ASCC1: variants seen among roughly 807,000 people sequenced by gnomAD.
The protein encoded by ASCC1 is activating signal cointegrator 1 complex subunit 1.
A neutral mutation model predicts 46.6 loss-of-function variants in ASCC1; 35 were observed. The observed-to-expected ratio is 0.75, with a 90% CI of 0.57 to 0.99. The LOEUF is 0.99. Ranked by LOEUF, ASCC1 falls within the 50% of genes least tolerant of loss-of-function variation. The pLI is 0.00. For synonymous variants in ASCC1, 143 were observed against 146.6 expected, an observed-to-expected ratio of 0.98 and a Z score of 0.18; for missense variants, 376 against 428.7, an observed-to-expected ratio of 0.88 and a Z score of 1.09.
At chr10:72,167,660 A>G (rs1489885458) in intron 5 of ASCC1, among the ~76,000 whole-genome samples, 1 of 147,808 alleles carries the variant, frequency 6.8e-6, no homozygotes, top group Non-Finnish European at 1.5e-5. Context: ...TTTTTTTAAG[A>G]CAAGGTCTCC....
chr10:72,178,891 C>T (rs12249760), intron 5 of ASCC1, among the ~76,000 whole-genome samples: 4,845 of 152,032 alleles, frequency 0.032, 297 homozygotes, highest in African/African-American at 0.11. Flanking sequence ...ATAAATTTAC[C>T]TTCTCAAAAA....
intron 6 of ASCC1, among the ~76,000 whole-genome samples, chr10:72,153,614 G>A (rs531324472): frequency 6.6e-6 from 1 of 151,852 alleles, no homozygotes; most frequent in East Asian, 1.9e-4. Flanking sequence ...TTTTAGTAGA[G>A]ATGGGGTTTC....
At chr10:72,190,408 G>A in intron 5 of ASCC1, 1 of 1,597,134 alleles carries the variant, frequency 6.3e-7, no homozygotes, top group East Asian at 2.2e-5. Flanking sequence ...CTGACACCCA[G>A]TGGATCACCA....
chr10:72,110,251 G>A (rs1842779032), intron 9 of ASCC1, among the ~76,000 whole-genome samples: 1 of 152,154 alleles, frequency 6.6e-6, no homozygotes, highest in Admixed American at 6.5e-5. Flanking sequence ...TAAATGTTTG[G>A]TCTCCGTATT....
At position 72,213,348 on chromosome 10, in the gene ASCC1, C is replaced by T; in HGVS notation, c.-33-17G>A. The T allele has an allele frequency of 1.5e-6, 2 of 1,328,994 alleles. No homozygotes were observed. Among genetic ancestry groups the T allele is most frequent in the Admixed American group, 1.7e-5 (1 of 59,316 alleles). 82.3% of individuals were successfully genotyped at this position (1,328,994 alleles called of 1,614,324 possible). A position where few individuals can be genotyped will look rare whatever the true frequency, so the allele number is the denominator to read the frequency against. On this transcript the variant is annotated splice_polypyrimidine_tract_variant and intron_variant, in intron 1 of 9. Transcript: ENST00000672957. The stretch of plus-strand genomic sequence containing the variant: ...AATTATGCCCTGAAAAATATAATTA[C>T]CATCTTACCTTTCTTAGTGAGAATT...
At chr10:72,118,260 G>C (rs1843727681) in intron 9 of ASCC1, among the ~76,000 whole-genome samples, 1 of 151,736 alleles carries the variant, frequency 6.6e-6, no homozygotes. Context: ...CCAGCTACTT[G>C]GGAGGCTGAG....
At chr10:72,137,307 T>A (rs1290945441) in intron 7 of ASCC1, among the ~76,000 whole-genome samples, 3 of 151,496 alleles carry the variant, frequency 2.0e-5, no homozygotes, top group African/African-American at 7.3e-5. Flanking sequence ...GGCGTGCAGA[T>A]CACGAGGTCA....
At chr10:72,138,330 G>A (rs1248059843) in intron 7 of ASCC1, among the ~76,000 whole-genome samples, 3 of 152,160 alleles carry the variant, frequency 2.0e-5, no homozygotes, top group African/African-American at 4.8e-5. Context: ...CATGAAACAC[G>A]AAGCATGAAA....
intron 7 of ASCC1, among the ~76,000 whole-genome samples, chr10:72,136,272 C>A (rs1846180831): frequency 6.6e-6 from 1 of 152,064 alleles, no homozygotes; most frequent in Non-Finnish European, 1.5e-5. Flanking sequence ...AATCGGCACT[C>A]TGTAAAAACG....
chr10:72,201,685 C>T (rs1245377923), intron 4 of ASCC1, among the ~76,000 whole-genome samples: 1 of 152,038 alleles, frequency 6.6e-6, no homozygotes, highest in African/African-American at 2.4e-5. Flanking sequence ...TGCCTGTAAC[C>T]CCAACACTTT....
At chr10:72,155,008 T>A (rs1288749181) in intron 6 of ASCC1, among the ~76,000 whole-genome samples, 1 of 152,174 alleles carries the variant, frequency 6.6e-6, no homozygotes, top group African/African-American at 2.4e-5. Context: ...AAAACTGATA[T>A]AATAAGTTAT....
chr10:72,159,278 C>T (rs1481744705), intron 6 of ASCC1: 2 of 152,032 alleles, frequency 1.3e-5, no homozygotes, highest in Middle Eastern at 3.2e-3. Flanking sequence ...CTCTTTATTC[C>T]CCAGGCACAC....
chr10:72,137,916 T>G (rs1846457770), intron 7 of ASCC1, among the ~76,000 whole-genome samples: 1 of 152,072 alleles, frequency 6.6e-6, no homozygotes, highest in South Asian at 2.1e-4. Flanking sequence ...CAGGCTAGAG[T>G]GCAGTGGCAC....
chr10:72,214,367 CTTTTTT>C (rs970289326), intron 1 of ASCC1, among the ~76,000 whole-genome samples: 4 of 88,464 alleles, frequency 4.5e-5, no homozygotes, highest in Admixed American at 1.5e-4. Context: ...CACAATATCT[CTTTTTT>C]TTTTTTTTTT....
chr10:72,191,575 T>C (rs1854510698), intron 5 of ASCC1, among the ~76,000 whole-genome samples: 1 of 151,936 alleles, frequency 6.6e-6, no homozygotes, highest in African/African-American at 2.4e-5. Flanking sequence ...TACTGAATCA[T>C]AGATCTAAAT....
At chr10:72,194,845 C>T (rs1409902774) in intron 5 of ASCC1, among the ~76,000 whole-genome samples, 1 of 151,926 alleles carries the variant, frequency 6.6e-6, no homozygotes, top group Non-Finnish European at 1.5e-5. Flanking sequence ...CAGGTTCAAG[C>T]GATTCTCCTG....
intron 9 of ASCC1, among the ~76,000 whole-genome samples, chr10:72,119,715 A>C (rs972785837): frequency 1.1e-4 from 16 of 152,288 alleles, no homozygotes; most frequent in Middle Eastern, 3.4e-3. Flanking sequence ...AGACATAGTA[A>C]AAGGAAAAAA....
intron 7 of ASCC1, among the ~76,000 whole-genome samples, chr10:72,138,600 C>CTTTTTTTTTTTTTTTTTT (rs1011535460): frequency 1.9e-3 from 202 of 104,452 alleles, no homozygotes; most frequent in Non-Finnish European, 2.7e-3. Flanking sequence ...TTCTTTCTTT[C>CTTTTTTTTTTTTTTTTTT]TTTTTTTTTT....
At chr10:72,159,389 G>A (rs1220122668) in intron 6 of ASCC1, 1 of 152,072 alleles carries the variant, frequency 6.6e-6, no homozygotes, top group Non-Finnish European at 1.5e-5. Context: ...GCATAGCTTA[G>A]GATAAACCTT....
Sources: allele counts gnomAD v4.1 joint callset (sites outside exome capture counted in the v4.1 genomes callset), GRCh38; gene constraint gnomAD v4.1.1; transcripts MANE v1.5; gene names NCBI Gene and HGNC (gene_info 2026-07-23, HGNC 2026-07-21).